DENND6A: variants seen among roughly 807,000 people sequenced by gnomAD.
DENND6A encodes the protein protein DENND6A.
A neutral mutation model predicts 95.5 loss-of-function variants in DENND6A; 43 were observed. That is an observed-to-expected ratio of 0.45 (90% CI 0.35 to 0.58). DENND6A has a LOEUF of 0.58. Ranked by LOEUF, DENND6A falls within the 20% of genes least tolerant of loss-of-function variation. The pLI, the probability that DENND6A is intolerant of heterozygous loss-of-function variation, is 0.00. For missense variants in DENND6A, 574 were observed against 736.0 expected (o/e 0.78, Z 2.55); for synonymous variants, 257 against 260.4 (o/e 0.99, Z 0.13).
chr3:57,688,670 CAA>C (rs2153417672), intron 1 of DENND6A, among the ~76,000 whole-genome samples: 1 of 127,748 alleles, frequency 7.8e-6, no homozygotes, highest in Non-Finnish European at 1.8e-5. Context: ...AACAGACATG[CAA>C]AGACCAAAGA....
chr3:57,671,339 A>G (rs1165067613), intron 3 of DENND6A, among the ~76,000 whole-genome samples: 1 of 152,124 alleles, frequency 6.6e-6, no homozygotes, highest in Non-Finnish European at 1.5e-5. Flanking sequence ...CCTGGCTAAC[A>G]TGGTGAAACC....
intron 1 of DENND6A, among the ~76,000 whole-genome samples, chr3:57,675,237 G>A (rs2071690189): frequency 6.6e-6 from 1 of 152,146 alleles, no homozygotes; most frequent in Non-Finnish European, 1.5e-5. Context: ...TTTACATTAG[G>A]TAAAAAAAGT....
chr3:57,632,944 T>C (rs1291523212), intron 15 of DENND6A, among the ~76,000 whole-genome samples: 1 of 152,206 alleles, frequency 6.6e-6, no homozygotes, highest in Non-Finnish European at 1.5e-5. Flanking sequence ...GTGAAAAATG[T>C]AGTAACTACA....
intron 8 of DENND6A, among the ~76,000 whole-genome samples, chr3:57,658,370 A>C (rs1375280071): frequency 6.6e-6 from 1 of 152,086 alleles, no homozygotes; most frequent in African/African-American, 2.4e-5. Context: ...CCCTACAAAA[A>C]ATATTAAAAA....
intron 9 of DENND6A, chr3:57,654,709 G>A: frequency 1.0e-6 from 1 of 984,976 alleles, no homozygotes; most frequent in South Asian, 4.7e-5. Context: ...CCAAAGGCGT[G>A]GTCCATGGAA....
chr3:57,652,100 T>G (rs1347764847), intron 9 of DENND6A, among the ~76,000 whole-genome samples: 1 of 152,058 alleles, frequency 6.6e-6, no homozygotes, highest in Admixed American at 6.6e-5. Context: ...TCTTTGACAG[T>G]CCTTTCAAAA....
At chr3:57,637,766 C>CAA (rs68168204) in intron 12 of DENND6A, among the ~76,000 whole-genome samples, 108 of 109,444 alleles carry the variant, frequency 9.9e-4, no homozygotes, top group African/African-American at 3.4e-3. Flanking sequence ...AATAAGACTT[C>CAA]AAAAAAAAAA....
chr3:57,638,614 C>T (rs1029580847), intron 12 of DENND6A, among the ~76,000 whole-genome samples: 2 of 151,882 alleles, frequency 1.3e-5, no homozygotes, highest in South Asian at 2.1e-4. Flanking sequence ...GCCAAGATTG[C>T]GCCACTGCAC....
rs759961185 is a variant in DENND6A at position 57,693,004 on chromosome 3, G to A, written c.15C>T (p.Gly5=). The A allele has an allele frequency of 2.4e-5, 35 of 1,484,486 alleles. No individual in the cohort carries two copies. The highest frequency in any genetic ancestry group is 3.0e-5 in the Non-Finnish European group (34 of 1,129,822). The allele number at this position is 1,484,486 out of a possible 1,614,324, so 92.0% of individuals were successfully genotyped here. A position where few individuals can be genotyped will look rare whatever the true frequency, so the allele number is the denominator to read the frequency against. ...GAGAGCCGGGCCCCAAGCCCGCAGG[G>A]CCCCTCAAAGCCATCGGCCGCCCCC... The part of the protein sequence containing the change: MALR[G]PAGLGPGSRR... The change falls in exon 1 of 20, where the codon GGC becomes GGT. Residue 5 remains glycine, a synonymous_variant. Coordinates refer to ENST00000311128, the MANE Select transcript of DENND6A (RefSeq NM_152678.3).
At chr3:57,635,836 T>C (rs186438581) in intron 12 of DENND6A, among the ~76,000 whole-genome samples, 1 of 152,300 alleles carries the variant, frequency 6.6e-6, no homozygotes, top group East Asian at 1.9e-4. Context: ...ATACATGATT[T>C]TTTTTCCTGC....
chr3:57,672,702 G>A (rs750128859), intron 1 of DENND6A, among the ~76,000 whole-genome samples: 2 of 152,058 alleles, frequency 1.3e-5, no homozygotes, highest in Non-Finnish European at 2.9e-5. Context: ...AGGATCACTT[G>A]AACCCGGGAG....
chr3:57,677,103 C>T (rs965130361), intron 1 of DENND6A, among the ~76,000 whole-genome samples: 3 of 152,170 alleles, frequency 2.0e-5, no homozygotes, highest in African/African-American at 4.8e-5. Context: ...GAATTACAGG[C>T]ATGAGCCACC....
intron 9 of DENND6A, 73 bp downstream of exon 9, chr3:57,657,607 C>T (rs2071351824): frequency 1.0e-6 from 1 of 1,000,666 alleles, no homozygotes; most frequent in East Asian, 2.7e-5. Flanking sequence ...ATATAATATT[C>T]ATTTTTTAAA....
At chr3:57,682,172 G>A (rs759387127) in intron 1 of DENND6A, among the ~76,000 whole-genome samples, 1 of 150,106 alleles carries the variant, frequency 6.7e-6, no homozygotes, top group Non-Finnish European at 1.5e-5. Context: ...ATTATATTCT[G>A]CGGGAAGCTG....
At chr3:57,682,848 T>C (rs2077178710) in intron 1 of DENND6A, among the ~76,000 whole-genome samples, 1 of 152,162 alleles carries the variant, frequency 6.6e-6, no homozygotes, top group Non-Finnish European at 1.5e-5. Flanking sequence ...GCTAATTTTT[T>C]TGTATTTTCA....
At chr3:57,662,195 T>C (rs1346875815) in intron 5 of DENND6A, among the ~76,000 whole-genome samples, 4 of 135,158 alleles carry the variant, frequency 3.0e-5, no homozygotes, top group African/African-American at 8.1e-5. Flanking sequence ...CTTTTTTTTT[T>C]TTTTTTTTTT....
chr3:57,692,809 G>C lies in DENND6A; in HGVS notation c.210C>G (p.Phe70Leu). 6.4e-7 allele frequency: 1 copy of C among 1,562,050 alleles called. No homozygotes were observed. The highest frequency in any genetic ancestry group is 8.6e-7 in the Non-Finnish European group (1 of 1,158,604). The change falls in exon 1 of 20, where the codon TTC (phenylalanine) becomes TTG (leucine). Residue 70 changes from phenylalanine to leucine, a missense_variant. This residue lies in a region of DENND6A where 122 missense variants were observed against 105.1 expected (regional missense o/e 1.16). Transcript: ENST00000311128. ...AWLHCVCVVGFDLELGQAVEV... is the reference protein window; with the variant it reads ...AWLHCVCVVGLDLELGQAVEV... ...CCACGGCCTGGCCCAGCTCCAGGTC[G>C]AAGCCCACCACACACACGCAGTGCA...
intron 3 of DENND6A, among the ~76,000 whole-genome samples, chr3:57,667,121 C>T (rs1411768239): frequency 6.6e-6 from 1 of 152,116 alleles, no homozygotes; most frequent in Non-Finnish European, 1.5e-5. Context: ...CTTCACTGCT[C>T]GGGTTCAAGA....
chr3:57,681,419 A>T (rs946086108), intron 1 of DENND6A, among the ~76,000 whole-genome samples: 39 of 152,014 alleles, frequency 2.6e-4, no homozygotes, highest in Non-Finnish European at 1.8e-4. Context: ...AGCCGAGATC[A>T]CGCCACTGCA....
Sources: gnomAD v4.1 joint callset for allele counts (sites outside exome capture counted in the v4.1 genomes callset) on GRCh38, gnomAD v4.1.1 for gene constraint, gnomAD v4.1.1 regional missense constraint, MANE v1.5 for transcripts, NCBI Gene and HGNC (gene_info 2026-07-23, HGNC 2026-07-21) for gene names.